MAML2: variants seen among roughly 807,000 people sequenced by gnomAD.
MAML2 encodes the protein mastermind-like protein 2.
MAML2 carries 22 observed loss-of-function variants against 96.1 expected under a neutral mutation model. The observed-to-expected ratio is 0.23, with a 90% CI of 0.16 to 0.33. MAML2 has a LOEUF of 0.33. Among genes scored for constraint, MAML2 ranks in the 10% least tolerant of loss-of-function variants. The probability of loss-of-function intolerance (pLI) is 1.00; values close to 1 mark genes in which losing one functional copy is unlikely to be tolerated. For missense variants in MAML2, 1,367 were observed against 1,392.4 expected (o/e 0.98, Z 0.29); for synonymous variants, 561 against 521.3 (o/e 1.08, Z -1.04).
At chr11:96,248,867 A>C (rs1862546744) in intron 1 of MAML2, among the ~76,000 whole-genome samples, 1 of 152,340 alleles carries the variant, frequency 6.6e-6, no homozygotes, top group East Asian at 1.9e-4. Context: ...GTGTGGCGCA[A>C]CTAGCAGAAG....
intron 1 of MAML2, among the ~76,000 whole-genome samples, chr11:96,101,393 T>C (rs1178374390): frequency 6.6e-6 from 1 of 152,146 alleles, no homozygotes; most frequent in Non-Finnish European, 1.5e-5. Flanking sequence ...ACCAACAAAA[T>C]AGTCATTGAG....
chr11:96,237,147 T>A (rs1862376663), intron 1 of MAML2, among the ~76,000 whole-genome samples: 1 of 152,218 alleles, frequency 6.6e-6, no homozygotes, highest in Non-Finnish European at 1.5e-5. Context: ...GGTTCTCCCT[T>A]GTCCGGTCCC....
At chr11:96,316,814 G>A (rs1012100296) in intron 1 of MAML2, among the ~76,000 whole-genome samples, 1 of 152,204 alleles carries the variant, frequency 6.6e-6, no homozygotes, top group African/African-American at 2.4e-5. Context: ...TGCCATTGCA[G>A]CAGTCGAGGG....
At chr11:96,250,578 T>A (rs577450737) in intron 1 of MAML2, among the ~76,000 whole-genome samples, 29 of 152,234 alleles carry the variant, frequency 1.9e-4, no homozygotes, top group Non-Finnish European at 4.1e-4. Context: ...AGAGTAGTGC[T>A]TGGTCCATAG....
At chr11:96,316,831 G>C (rs1863639707) in intron 1 of MAML2, among the ~76,000 whole-genome samples, 1 of 151,958 alleles carries the variant, frequency 6.6e-6, no homozygotes, top group South Asian at 2.1e-4. Context: ...AGGGGAGAGG[G>C]GATCCTGAAC....
chr11:96,301,463 C>T (rs1008264152), intron 1 of MAML2, among the ~76,000 whole-genome samples: 6 of 152,190 alleles, frequency 3.9e-5, no homozygotes, highest in African/African-American at 1.4e-4. Flanking sequence ...ACTGCGTAGG[C>T]CAGGCCAATG....
chr11:96,314,226 C>T (rs569121723), intron 1 of MAML2, among the ~76,000 whole-genome samples: 29 of 152,326 alleles, frequency 1.9e-4, no homozygotes, highest in Admixed American at 4.6e-4. Flanking sequence ...AATACCAAAA[C>T]GGGACAAGAG....
chr11:96,055,090 G>C (rs1825451038), intron 2 of MAML2, among the ~76,000 whole-genome samples: 1 of 152,106 alleles, frequency 6.6e-6, no homozygotes, highest in Non-Finnish European at 1.5e-5. Context: ...TACATTTCAG[G>C]ACAAACAGGA....
At chr11:96,211,479 A>G (rs545474903) in intron 1 of MAML2, among the ~76,000 whole-genome samples, 2 of 151,990 alleles carry the variant, frequency 1.3e-5, no homozygotes, top group Admixed American at 1.3e-4. Flanking sequence ...CTGTTATCCA[A>G]TTTGATGAGC....
chr11:96,217,726 C>T (rs1323955680), intron 1 of MAML2, among the ~76,000 whole-genome samples: 1 of 152,202 alleles, frequency 6.6e-6, no homozygotes, highest in Non-Finnish European at 1.5e-5. Context: ...CCTTTTGAAA[C>T]CACAGCTTCG....
At chr11:96,161,272 C>T (rs1861099366) in intron 1 of MAML2, among the ~76,000 whole-genome samples, 1 of 152,068 alleles carries the variant, frequency 6.6e-6, no homozygotes, top group Non-Finnish European at 1.5e-5. Context: ...CTCAGCCTCC[C>T]CCACACAAAT....
At chr11:96,191,475 CAAT>C (rs1861652233) in intron 1 of MAML2, among the ~76,000 whole-genome samples, 1 of 89,454 alleles carries the variant, frequency 1.1e-5, no homozygotes, top group Non-Finnish European at 2.2e-5. Flanking sequence ...AAAAAAATAA[CAAT>C]AATAAAAAAA....
chr11:96,166,171 TCTCTCTCACACACACA>T (rs1861189206), intron 1 of MAML2, among the ~76,000 whole-genome samples: 1 of 117,692 alleles, frequency 8.5e-6, no homozygotes. Flanking sequence ...TCTCTCTCTC[TCTCTCTCACACACACA>T]CACACACACA....
At chr11:96,337,797 A>G (rs995440566) in intron 1 of MAML2, among the ~76,000 whole-genome samples, 2 of 152,370 alleles carry the variant, frequency 1.3e-5, no homozygotes, top group South Asian at 2.1e-4. Context: ...TACTACTAAC[A>G]CTAGTATTGC....
intron 1 of MAML2, among the ~76,000 whole-genome samples, chr11:96,278,879 G>A (rs893923034): frequency 1.3e-5 from 2 of 152,178 alleles, no homozygotes; most frequent in Non-Finnish European, 2.9e-5. Context: ...TAACTGCGGG[G>A]GGTATGTCTA....
chr11:96,205,928 T>C (rs1286701004), intron 1 of MAML2, among the ~76,000 whole-genome samples: 2 of 152,376 alleles, frequency 1.3e-5, no homozygotes, highest in South Asian at 4.1e-4. Context: ...GTTTTGCTCA[T>C]GTTGTCCATG....
chr11:96,199,140 T>G (rs1481485707), intron 1 of MAML2, among the ~76,000 whole-genome samples: 2 of 129,302 alleles, frequency 1.5e-5, no homozygotes, highest in African/African-American at 6.1e-5. Flanking sequence ...GAGTTTGCAG[T>G]GGGCCAAAAT....
At chr11:96,280,862 A>G (rs1863054662) in intron 1 of MAML2, among the ~76,000 whole-genome samples, 1 of 152,204 alleles carries the variant, frequency 6.6e-6, no homozygotes, top group Non-Finnish European at 1.5e-5. Context: ...TATATATCCC[A>G]TTTTAAGCTA....
chr11:96,099,358 T>C (rs1353784232), intron 1 of MAML2, among the ~76,000 whole-genome samples: 4 of 152,164 alleles, frequency 2.6e-5, no homozygotes, highest in Non-Finnish European at 5.9e-5. Context: ...AATTCCTTTC[T>C]GCCTTTCCAG....
Sources: gnomAD v4.1 joint callset for allele counts (sites outside exome capture counted in the v4.1 genomes callset) on GRCh38, gnomAD v4.1.1 for gene constraint, MANE v1.5 for transcripts, NCBI Gene and HGNC (gene_info 2026-07-23, HGNC 2026-07-21) for gene names.